SMC3: variants seen among roughly 807,000 people sequenced by gnomAD.
SMC3 encodes structural maintenance of chromosomes 3.
A neutral mutation model predicts 171.8 loss-of-function variants in SMC3; 20 were observed. The ratio of observed to expected loss-of-function variants is 0.12; its 90% CI spans 0.08 to 0.17. The LOEUF (loss-of-function observed/expected upper bound fraction) is 0.17, where lower values mean the gene tolerates loss of function less well. SMC3 is among the 10% of genes least tolerant of loss of function. The pLI, the probability that SMC3 is intolerant of heterozygous loss-of-function variation, is 1.00. For synonymous variants in SMC3, 464 were observed against 451.1 expected (o/e 1.03, Z -0.36); for missense variants, 543 against 1,420.4 (o/e 0.38, Z 9.93).
At chr10:110,592,777 C>T (rs958731807) in intron 17 of SMC3, among the ~76,000 whole-genome samples, 2 of 152,192 alleles carry the variant, frequency 1.3e-5, no homozygotes, top group Non-Finnish European at 2.9e-5. Flanking sequence ...AACTTGTCCA[C>T]AGTACACATC....
chr10:110,597,648 T>C (rs1001215415), intron 19 of SMC3, among the ~76,000 whole-genome samples: 2 of 152,148 alleles, frequency 1.3e-5, no homozygotes, highest in Non-Finnish European at 2.9e-5. Flanking sequence ...ACAAAGAGCG[T>C]ATGGGGAAAT....
chr10:110,578,830 C>A, intron 7 of SMC3, 124 bp downstream of exon 7: 1 of 700,414 alleles, frequency 1.4e-6, no homozygotes. Context: ...TTTTACATGG[C>A]CATAAAGTAC....
At position 110,580,885 on chromosome 10, in the gene SMC3, A is replaced by G; in HGVS notation, c.430-19A>G. On this transcript the variant is annotated intron_variant, in intron 7 of 28. Transcript: ENST00000361804. ...CGGAGGCTACAGCTATGTAATGATT[A>G]TTTTTCTAAAAATTTTAGATCAACC... The G allele has an allele frequency of 7.4e-7, 1 of 1,345,664 alleles. No homozygotes were observed. Among genetic ancestry groups the G allele is most frequent in the Non-Finnish European group, 1.1e-6 (1 of 934,774 alleles). The allele number at this position is 1,345,664 out of a possible 1,614,324, so 83.4% of individuals were successfully genotyped here.
intron 6 of SMC3, 123 bp from the exon 7 acceptor site, chr10:110,578,505 A>G: frequency 1.5e-5 from 11 of 712,690 alleles, no homozygotes. Context: ...TCTGAGGATG[A>G]TACAGATGGT....
intron 13 of SMC3, among the ~76,000 whole-genome samples, chr10:110,589,128 G>A (rs562374528): frequency 5.9e-5 from 9 of 152,130 alleles, no homozygotes; most frequent in Non-Finnish European, 8.8e-5. Flanking sequence ...AGTGTCTCAC[G>A]CCTGTAATCT....
chr10:110,567,923 C>A, intron 1 of SMC3, 92 bp downstream of exon 1: 1 of 1,453,826 alleles, frequency 6.9e-7, no homozygotes, highest in Non-Finnish European at 9.6e-7. Flanking sequence ...AGCCTCTCCC[C>A]TGTCTCCACA....
At chr10:110,577,553 A>G in intron 5 of SMC3, 61 bp downstream of exon 5, 1 of 1,185,844 alleles carries the variant, frequency 8.4e-7, no homozygotes, top group Non-Finnish European at 1.3e-6. Flanking sequence ...GATTTTCTTC[A>G]TACTTTGAAA....
rs545554617 is a variant in SMC3, at chr10:110,575,966, G to A, written c.198+563G>A. ...TTGCAAACTAAACAACATACAAGTT[G>A]TTTGTTGTTTTAGCCATATTTGTAC... On this transcript the variant is annotated intron_variant, in intron 4 of 28. Coordinates refer to ENST00000361804, the MANE Select transcript of SMC3 (RefSeq NM_005445.4). 1.4e-4 allele frequency among the ~76,000 whole-genome samples: 22 copies of A among 152,262 alleles called. No individual in the cohort carries two copies. The South Asian group carries it at 4.3e-3, about 30-fold the overall frequency.
intron 17 of SMC3, among the ~76,000 whole-genome samples, chr10:110,591,648 G>A (rs955497938): frequency 2.6e-5 from 4 of 152,108 alleles, no homozygotes; most frequent in African/African-American, 9.7e-5. Flanking sequence ...CACTTTAGGT[G>A]GATTAAAAAT....
At chr10:110,584,813 C>A (rs570377114) in intron 13 of SMC3, among the ~76,000 whole-genome samples, 1 of 152,020 alleles carries the variant, frequency 6.6e-6, no homozygotes, top group African/African-American at 2.4e-5. Flanking sequence ...TTTGTAGAGA[C>A]GAGGTCTTGC....
chr10:110,601,065 C>G lies in SMC3; in HGVS notation c.2579C>G (p.Thr860Arg). 6.2e-7 allele frequency: 1 copy of G among 1,613,522 alleles called. No individual in the cohort carries two copies. The highest frequency in any genetic ancestry group is 8.5e-7 in the Non-Finnish European group (1 of 1,179,648). ...LRETEGGTVL[T>R]ATTSELEAIN... ...GAGACAGAAGGGGGTACTGTTCTCA[C>G]AGCCACAACATCAGAACTTGAAGCC... The change falls in exon 23 of 29, where the codon ACA becomes AGA. Residue 860 changes from threonine to arginine, a missense_variant. This residue lies in a region of SMC3 where 81 missense variants were observed against 184.2 expected (regional missense o/e 0.44). Transcript: ENST00000361804.
rs370738980 is a variant in SMC3 at position 110,605,618 on chromosome 10, T to C, written c.*1316T>C. Among the ~76,000 whole-genome samples the C allele has an allele frequency of 1.2e-4, 19 of 152,364 alleles. 2 individuals carry two copies. The highest frequency in any genetic ancestry group is 3.6e-4 in the African/African-American group (15 of 41,594). On this transcript the variant is annotated 3_prime_UTR_variant, in exon 29 of 29. Coordinates refer to ENST00000361804, the MANE Select transcript of SMC3 (RefSeq NM_005445.4). ...GGTTTTCATTTTGACTGGCTGAATCTTTAAATGTTCGGTGTATTATTTATA... is the reference window on the plus strand; with the variant it reads ...GGTTTTCATTTTGACTGGCTGAATCCTTAAATGTTCGGTGTATTATTTATA...
intron 18 of SMC3, among the ~76,000 whole-genome samples, chr10:110,596,007 G>GC (rs1861294850): frequency 7.2e-6 from 1 of 138,602 alleles, no homozygotes; most frequent in Non-Finnish European, 1.5e-5. Flanking sequence ...AGAGGCTAAA[G>GC]CATGAGGATC....
rs1861458442 is a variant in SMC3 at position 110,605,715 on chromosome 10, T to C, written c.*1413T>C. The stretch of plus-strand genomic sequence containing the variant: ...GTATATGTTCTATCTATGACTACAT[T>C]CAAAGGGTTACGTAACTATAATATC... On this transcript the variant is annotated 3_prime_UTR_variant, in exon 29 of 29. Transcript: ENST00000361804. Among the ~76,000 whole-genome samples, 1 of 152,200 alleles carries C rather than the reference T, an allele frequency of 6.6e-6. No homozygotes were observed.
At position 110,600,557 on chromosome 10, in the gene SMC3, G is replaced by GTTTTTTTT; in HGVS notation, c.2535+21_2535+28dup. The stretch of plus-strand genomic sequence containing the variant: ...GACCAAGTAGAACAGGTGTGTATGT[G>GTTTTTTTT]TTTTTTTTTTTTTTTTTAAGGGCTC... On this transcript the variant is annotated intron_variant, in intron 22 of 28. Transcript: ENST00000361804. 2 of 976,952 alleles carry GTTTTTTTT rather than the reference G, an allele frequency of 2.0e-6. No homozygotes were observed. The highest frequency in any genetic ancestry group is 1.9e-5 in the Admixed American group (1 of 51,780). 60.5% of individuals were successfully genotyped at this position (976,952 alleles called of 1,614,324 possible). A position where few individuals can be genotyped will look rare whatever the true frequency, so the allele number is the denominator to read the frequency against.
At chr10:110,593,875 C>G (rs763821935) in intron 18 of SMC3, among the ~76,000 whole-genome samples, 13 of 151,782 alleles carry the variant, frequency 8.6e-5, no homozygotes, top group Non-Finnish European at 1.9e-4. Flanking sequence ...GTAATCCCAA[C>G]AACTCAGAAG....
intron 4 of SMC3, among the ~76,000 whole-genome samples, chr10:110,577,181 A>G: frequency 6.6e-6 from 1 of 151,976 alleles, no homozygotes; most frequent in East Asian, 1.9e-4. Flanking sequence ...TCCTAATCTA[A>G]CGTCTCTGCT....
Position 110,598,068 on chromosome 10 carries a change from T to TG in SMC3, c.2117-70dup. The TG allele has an allele frequency of 5.1e-6, 7 of 1,374,656 alleles. No homozygotes were observed. The South Asian group carries it at 8.3e-5, about 16-fold the overall frequency. The allele number at this position is 1,374,656 out of a possible 1,614,324, so 85.2% of individuals were successfully genotyped here. On this transcript the variant is annotated intron_variant, in intron 19 of 28. Coordinates refer to ENST00000361804, the MANE Select transcript of SMC3 (RefSeq NM_005445.4). ...AAGAAAAGGAAGGGATACATGGTGT[T>TG]GTGTCTAAAAAGAATTAAGAACATA...
At chr10:110,596,306 C>T (rs1861299657) in intron 18 of SMC3, 92 bp from the exon 19 acceptor site, 1 of 1,216,728 alleles carries the variant, frequency 8.2e-7, no homozygotes. Flanking sequence ...TCATTATCTA[C>T]TTAAAGCCTG....
Sources: allele counts gnomAD v4.1 joint callset (sites outside exome capture counted in the v4.1 genomes callset), GRCh38; gene constraint gnomAD v4.1.1; regional missense constraint gnomAD v4.1.1; transcripts MANE v1.5; gene names NCBI Gene and HGNC (gene_info 2026-07-23, HGNC 2026-07-21).